The following CAGE1 variants were observed in gnomAD, a reference collection of about 807,000 sequenced individuals.
CAGE1 encodes cancer antigen 1.
Under a neutral mutation model 94.9 loss-of-function variants are expected in CAGE1, and 66 were observed. The observed-to-expected ratio is 0.70, with a 90% CI of 0.57 to 0.85. The LOEUF (loss-of-function observed/expected upper bound fraction) is 0.85. Ranked by LOEUF, CAGE1 falls within the 40% of genes least tolerant of loss-of-function variation. The pLI is 0.00. For missense variants in CAGE1, 865 were observed against 950.4 expected (o/e 0.91, Z 1.18); for synonymous variants, 319 against 321.0 (o/e 0.99, Z 0.07).
intron 11 of CAGE1, among the ~76,000 whole-genome samples, chr6:7,348,833 C>A (rs1759661041): frequency 6.6e-6 from 1 of 152,054 alleles, no homozygotes; most frequent in African/African-American, 2.4e-5. Flanking sequence ...AAGACAAGGT[C>A]TTTGAATTAA....
intron 2 of CAGE1, among the ~76,000 whole-genome samples, chr6:7,386,119 C>G (rs1761112643): frequency 6.6e-6 from 1 of 152,184 alleles, no homozygotes; most frequent in Non-Finnish European, 1.5e-5. Flanking sequence ...TTTGGTAAGT[C>G]AAATCATGTG....
At chr6:7,384,328 C>T (rs1324741806) in intron 3 of CAGE1, among the ~76,000 whole-genome samples, 4 of 152,156 alleles carry the variant, frequency 2.6e-5, no homozygotes, top group Non-Finnish European at 5.9e-5. Context: ...CCGCCTGCCT[C>T]GGCAGCGCTT....
At chr6:7,365,383 T>G (rs1481602185) in intron 9 of CAGE1, 85 bp downstream of exon 9, 5 of 1,110,826 alleles carry the variant, frequency 4.5e-6, no homozygotes, top group Admixed American at 2.4e-5. Flanking sequence ...AGCCAGTTTT[T>G]TGAAGGATGA....
chr6:7,332,052 CTTAATA>C (rs942132346), intron 12 of CAGE1, among the ~76,000 whole-genome samples: 3 of 152,172 alleles, frequency 2.0e-5, no homozygotes, highest in African/African-American at 7.2e-5. Flanking sequence ...ACTGTACTGT[CTTAATA>C]TTAATCAATC....
chr6:7,361,526 T>TA (rs1426741908), intron 9 of CAGE1, among the ~76,000 whole-genome samples: 1 of 152,238 alleles, frequency 6.6e-6, no homozygotes, highest in Admixed American at 6.5e-5. Flanking sequence ...ATGTAAAATG[T>TA]ATTTTTTCTA....
At chr6:7,328,920 A>G (rs942664) in intron 13 of CAGE1, among the ~76,000 whole-genome samples, 1,540 of 42,002 alleles carry the variant, frequency 0.037, 13 homozygotes, top group South Asian at 0.077. Flanking sequence ...GTGTGTGTGT[A>G]TATATATATA....
intron 4 of CAGE1, among the ~76,000 whole-genome samples, chr6:7,378,355 T>C (rs1760824791): frequency 6.6e-6 from 1 of 152,196 alleles, no homozygotes; most frequent in Non-Finnish European, 1.5e-5. Context: ...AAAATTTATT[T>C]CTGAATTGGC....
chr6:7,345,413 C>T (rs547459316), intron 11 of CAGE1, among the ~76,000 whole-genome samples: 24 of 152,278 alleles, frequency 1.6e-4, no homozygotes, highest in Admixed American at 5.9e-4. Flanking sequence ...AGAGCTGTAA[C>T]CCTCACTGCA....
At chr6:7,337,325 GAA>G (rs58144720) in intron 11 of CAGE1, among the ~76,000 whole-genome samples, 9,476 of 81,406 alleles carry the variant, frequency 0.12, 626 homozygotes, top group African/African-American at 0.29. Context: ...AGACTGTCTC[GAA>G]AAAAAAAAAA....
intron 1 of CAGE1, among the ~76,000 whole-genome samples, 191 bp downstream of exon 1, chr6:7,389,011 T>C (rs943010073): frequency 5.3e-5 from 8 of 152,238 alleles, no homozygotes; most frequent in Non-Finnish European, 1.2e-4. Flanking sequence ...AGTTAGACTA[T>C]TTTTTCCATC....
In CAGE1 at chr6:7,339,086, T is replaced by C; in HGVS notation, c.2370-4996A>G. On this transcript the variant is annotated intron_variant, in intron 11 of 13. Transcript: ENST00000502583. This position sits in a 1 kb window ranked among gnomAD's most constrained non-coding sequence, Gnocchi z 4.7. ...TGTCAACGTAGTAGTTAACAGGGTCTCTGCTGTGGATCATCAGGCCGTCCA... is the reference window on the plus strand; with the variant it reads ...TGTCAACGTAGTAGTTAACAGGGTCCCTGCTGTGGATCATCAGGCCGTCCA... The C allele has an allele frequency of 6.3e-7, 1 of 1,598,370 alleles. No homozygotes were observed. The highest frequency in any genetic ancestry group is 8.6e-7 in the Non-Finnish European group (1 of 1,166,454).
chr6:7,344,059 A>G (rs923613686), intron 11 of CAGE1, among the ~76,000 whole-genome samples: 4 of 152,246 alleles, frequency 2.6e-5, no homozygotes, highest in Admixed American at 6.5e-5. Flanking sequence ...CGTGCTGGCA[A>G]TCCTCACAGC....
At chr6:7,358,824 CA>C (rs999509007) in intron 9 of CAGE1, among the ~76,000 whole-genome samples, 1 of 151,960 alleles carries the variant, frequency 6.6e-6, no homozygotes, top group African/African-American at 2.4e-5. Context: ...ACCCTGTAAA[CA>C]ATAACCAAAA....
In CAGE1 at chr6:7,372,922, C is replaced by T. The variant is rs1174130071; in HGVS notation, c.1746+151G>A. On this transcript the variant is annotated intron_variant, in intron 5 of 13. Transcript: ENST00000502583. ...CAAACTCCTAGCCTCAAGAGATCCTCCTGCCTCAGCCTCCCAAAGTGCCGA... is the reference window on the plus strand; with the variant it reads ...CAAACTCCTAGCCTCAAGAGATCCTTCTGCCTCAGCCTCCCAAAGTGCCGA... 6.4e-6 allele frequency: 4 copies of T among 624,668 alleles called. No individual in the cohort carries two copies. In the Admixed American group the frequency reaches 1.3e-4, roughly 21 times the overall value. The allele number at this position is 624,668 out of a possible 1,614,324, so 38.7% of individuals were successfully genotyped here.
intron 11 of CAGE1, among the ~76,000 whole-genome samples, chr6:7,352,261 C>G (rs1411084056): frequency 3.4e-5 from 3 of 89,430 alleles, no homozygotes; most frequent in African/African-American, 1.2e-4. Context: ...AGAATCAAAT[C>G]AAGAACTCAA....
At chr6:7,346,930 A>C (rs1759569842) in intron 11 of CAGE1, among the ~76,000 whole-genome samples, 1 of 152,242 alleles carries the variant, frequency 6.6e-6, no homozygotes, top group Admixed American at 6.5e-5. Context: ...GATAAAGCCT[A>C]AATTCAGATT....
At chr6:7,366,025 C>CATGAG in intron 7 of CAGE1, 141 bp from the exon 8 acceptor site, 3 of 544,852 alleles carry the variant, frequency 5.5e-6, no homozygotes, top group South Asian at 2.4e-5. Context: ...GCGGGTGGAT[C>CATGAG]ACCTCAGGTC....
rs968081185 is a variant in CAGE1, at chr6:7,386,965, T to C, written c.195+14A>G. 7 of 1,522,490 alleles carry C rather than the reference T, an allele frequency of 4.6e-6. No homozygotes were observed. Among genetic ancestry groups the C allele is most frequent in the Middle Eastern group, 1.7e-4 (1 of 5,946 alleles). The allele number at this position is 1,522,490 out of a possible 1,614,324, so 94.3% of individuals were successfully genotyped here. ...ATACATCTGAGCCTCCTGGAACTTA[T>C]AAGCAATGCACACCTGAGGCAAGTC... On this transcript the variant is annotated intron_variant, in intron 2 of 13. Transcript: ENST00000502583.
intron 11 of CAGE1, among the ~76,000 whole-genome samples, chr6:7,346,590 T>G (rs1759550940): frequency 6.6e-6 from 1 of 151,380 alleles, no homozygotes; most frequent in Non-Finnish European, 1.5e-5. Flanking sequence ...TTCACACCTG[T>G]AATCCCAGCA....
Sources: gnomAD v4.1 joint callset for allele counts (sites outside exome capture counted in the v4.1 genomes callset) on GRCh38, gnomAD v4.1.1 for gene constraint, Gnocchi (gnomAD v3.1) non-coding constraint, MANE v1.5 for transcripts, NCBI Gene and HGNC (gene_info 2026-07-23, HGNC 2026-07-21) for gene names.